The following PLPPR1 variants were observed in gnomAD, a reference collection of about 807,000 sequenced individuals.
PLPPR1 encodes the protein phospholipid phosphatase-related protein type 1.
Under a neutral mutation model 33.1 loss-of-function variants are expected in PLPPR1, and 10 were observed. That is an observed-to-expected ratio of 0.30 (90% CI 0.19 to 0.51). The LOEUF (loss-of-function observed/expected upper bound fraction) is 0.51. Ranked by LOEUF, PLPPR1 falls within the 20% of genes least tolerant of loss-of-function variation. PLPPR1 has a pLI of 0.97. For missense variants in PLPPR1, 304 were observed against 408.1 expected (o/e 0.74, Z 2.20); for synonymous variants, 151 against 151.0 (o/e 1.00, Z 0.00).
chr9:101,098,579 C>G (rs1455407051), intron 1 of PLPPR1, among the ~76,000 whole-genome samples: 4 of 152,050 alleles, frequency 2.6e-5, no homozygotes, highest in Non-Finnish European at 5.9e-5. Context: ...CAGGGGTCAT[C>G]AACATGTGAA....
chr9:101,250,597 A>G (rs568258550), intron 2 of PLPPR1, among the ~76,000 whole-genome samples: 27 of 152,172 alleles, frequency 1.8e-4, no homozygotes, highest in Non-Finnish European at 3.8e-4. Flanking sequence ...TGCTTCTTCC[A>G]GACTAATGTC....
intron 1 of PLPPR1, among the ~76,000 whole-genome samples, chr9:101,172,380 G>A (rs1825956058): frequency 6.6e-6 from 1 of 151,776 alleles, no homozygotes; most frequent in Non-Finnish European, 1.5e-5. Context: ...TATGCTGCAA[G>A]GAGTACTTTT....
intron 6 of PLPPR1, among the ~76,000 whole-genome samples, chr9:101,315,386 A>G (rs1163415564): frequency 6.6e-6 from 1 of 152,188 alleles, no homozygotes; most frequent in African/African-American, 2.4e-5. Context: ...GTTGCTGACC[A>G]TCAGTTCTAA....
At chr9:101,302,742 A>AT (rs1424010825) in intron 4 of PLPPR1, among the ~76,000 whole-genome samples, 15 of 152,004 alleles carry the variant, frequency 9.9e-5, no homozygotes, top group Admixed American at 1.3e-4. Context: ...TTTTTTTATC[A>AT]TTTTTTCTAC....
intron 1 of PLPPR1, among the ~76,000 whole-genome samples, chr9:101,133,074 T>G (rs1831332766): frequency 6.6e-6 from 1 of 152,184 alleles, no homozygotes; most frequent in Non-Finnish European, 1.5e-5. Context: ...TTAGGAAACT[T>G]AGATAAGCTT....
In PLPPR1 at chr9:101,129,553, T is replaced by A. The variant is rs1831290525; in HGVS notation, c.-45-55897T>A. Among the ~76,000 whole-genome samples the A allele has an allele frequency of 2.0e-5, 3 of 151,984 alleles. No homozygotes were observed. In the South Asian group the frequency reaches 6.2e-4, roughly 31 times the overall value. ...AGCAATAAAAAAAAAGGGAAAAAGC[T>A]GGGTGCAGTGTCTCACGCCTGTAAT... On this transcript the variant is annotated intron_variant, in intron 1 of 7. Coordinates refer to ENST00000374874, the MANE Select transcript of PLPPR1 (RefSeq NM_207299.2).
At chr9:101,278,470 CAAT>C (rs891992595) in intron 3 of PLPPR1, among the ~76,000 whole-genome samples, 1 of 152,054 alleles carries the variant, frequency 6.6e-6, no homozygotes, top group Non-Finnish European at 1.5e-5. Flanking sequence ...GGTTGGAACA[CAAT>C]AATAATAAAA....
At chr9:101,118,425 A>G (rs1262295874) in intron 1 of PLPPR1, among the ~76,000 whole-genome samples, 4 of 152,216 alleles carry the variant, frequency 2.6e-5, no homozygotes, top group Admixed American at 2.6e-4. Flanking sequence ...GTGACGAGAA[A>G]TTGAGGAGGA....
intron 1 of PLPPR1, among the ~76,000 whole-genome samples, chr9:101,179,352 A>G (rs1373569465): frequency 2.0e-5 from 3 of 152,214 alleles, no homozygotes; most frequent in Admixed American, 1.3e-4. Context: ...GGGTAGTAGA[A>G]GAAGTTAATC....
At chr9:101,152,192 C>G (rs1189841577) in intron 1 of PLPPR1, among the ~76,000 whole-genome samples, 2 of 152,042 alleles carry the variant, frequency 1.3e-5, no homozygotes, top group Non-Finnish European at 2.9e-5. Flanking sequence ...TGCATAAATG[C>G]CTTATTTTGA....
At chr9:101,167,199 TCACACACA>T (rs1192955125) in intron 1 of PLPPR1, among the ~76,000 whole-genome samples, 1 of 51,714 alleles carries the variant, frequency 1.9e-5, no homozygotes, top group Non-Finnish European at 4.5e-5. Flanking sequence ...TCTCTCTCTC[TCACACACA>T]CACACATACA....
chr9:101,236,536 T>TCACACACACACA (rs60508436), intron 2 of PLPPR1, among the ~76,000 whole-genome samples: 2,611 of 148,684 alleles, frequency 0.018, 68 homozygotes, highest in African/African-American at 0.057. Flanking sequence ...CTCTCTAAAC[T>TCACACACACACA]CACACACACA....
chr9:101,063,342 A>AGATCCTTTAT, intron 1 of PLPPR1, among the ~76,000 whole-genome samples: 1 of 152,196 alleles, frequency 6.6e-6, no homozygotes, highest in East Asian at 1.9e-4. Context: ...GTAGTTTCAC[A>AGATCCTTTAT]GATCCTTTAT....
intron 1 of PLPPR1, among the ~76,000 whole-genome samples, chr9:101,109,911 A>T (rs1295273460): frequency 6.6e-6 from 1 of 152,200 alleles, no homozygotes; most frequent in Non-Finnish European, 1.5e-5. Flanking sequence ...CTTGGCATAT[A>T]CAAATGGCCA....
At chr9:101,205,152 C>T (rs920860653) in intron 2 of PLPPR1, among the ~76,000 whole-genome samples, 1 of 152,136 alleles carries the variant, frequency 6.6e-6, no homozygotes, top group Admixed American at 6.5e-5. Flanking sequence ...AGGTATCTTA[C>T]TCTACCCTGA....
intron 4 of PLPPR1, among the ~76,000 whole-genome samples, chr9:101,291,978 C>T (rs1028929084): frequency 8.6e-5 from 13 of 151,948 alleles, no homozygotes; most frequent in African/African-American, 2.4e-4. Context: ...AGGCTTCAGA[C>T]GATCAAACTA....
intron 1 of PLPPR1, among the ~76,000 whole-genome samples, chr9:101,062,002 A>C (rs913624178): frequency 6.6e-6 from 1 of 152,044 alleles, no homozygotes; most frequent in African/African-American, 2.4e-5. Context: ...GAACAGCTGC[A>C]TTTTGTTCAT....
intron 1 of PLPPR1, among the ~76,000 whole-genome samples, chr9:101,181,408 T>G (rs1165190418): frequency 6.6e-6 from 1 of 150,912 alleles, no homozygotes; most frequent in Admixed American, 6.6e-5. Flanking sequence ...GTATGGAGGC[T>G]CCTCAGAAAA....
intron 1 of PLPPR1, among the ~76,000 whole-genome samples, chr9:101,067,160 G>T (rs546591824): frequency 1.3e-5 from 2 of 151,756 alleles, no homozygotes; most frequent in Middle Eastern, 6.8e-3. Context: ...TTTTTTTCCT[G>T]CTGGTAGTCA....
Sources: gnomAD v4.1 joint callset for allele counts (sites outside exome capture counted in the v4.1 genomes callset) on GRCh38, gnomAD v4.1.1 for gene constraint, MANE v1.5 for transcripts, NCBI Gene and HGNC (gene_info 2026-07-23, HGNC 2026-07-21) for gene names.